The following MTSS1 variants were observed in gnomAD, a reference collection of about 807,000 sequenced individuals.
The protein encoded by MTSS1 is protein MTSS 1.
In MTSS1, 18 loss-of-function variants were observed where a neutral mutation model predicts 79.0. The ratio of observed to expected loss-of-function variants is 0.23; its 90% CI spans 0.16 to 0.34. The LOEUF is 0.34. Among genes scored for constraint, MTSS1 ranks in the 10% least tolerant of loss-of-function variants. The pLI, the probability that MTSS1 is intolerant of heterozygous loss-of-function variation, is 1.00. For missense variants in MTSS1, 815 were observed against 986.2 expected (o/e 0.83, Z 2.33); for synonymous variants, 341 against 368.6 (o/e 0.93, Z 0.86).
At chr8:124,626,033 A>G (rs1814595802) in intron 3 of MTSS1, among the ~76,000 whole-genome samples, 1 of 152,240 alleles carries the variant, frequency 6.6e-6, no homozygotes, top group African/African-American at 2.4e-5. Flanking sequence ...GAAGACTGAA[A>G]GGGAGAGGCT....
chr8:124,594,877 A>G (rs1248993320), intron 3 of MTSS1, among the ~76,000 whole-genome samples: 1 of 152,228 alleles, frequency 6.6e-6, no homozygotes, highest in East Asian at 1.9e-4. Context: ...AAAAATCAGC[A>G]GGTTTGAATA....
At chr8:124,641,011 G>T (rs1485656077) in intron 3 of MTSS1, among the ~76,000 whole-genome samples, 1 of 151,828 alleles carries the variant, frequency 6.6e-6, no homozygotes, top group Middle Eastern at 3.4e-3. Context: ...TATGTCATCC[G>T]TGTATGTACT....
At chr8:124,567,936 T>G in intron 7 of MTSS1, 4 of 1,397,768 alleles carry the variant, frequency 2.9e-6, no homozygotes, top group Non-Finnish European at 3.7e-6. Context: ...CTCTTGGATA[T>G]TCATCTCATG....
chr8:124,625,428 G>A (rs1297532946), intron 3 of MTSS1, among the ~76,000 whole-genome samples: 1 of 152,218 alleles, frequency 6.6e-6, no homozygotes, highest in Non-Finnish European at 1.5e-5. Flanking sequence ...CATTCGTGAA[G>A]GCAGAATTAC....
chr8:124,563,859 G>C (rs947441540), intron 9 of MTSS1, among the ~76,000 whole-genome samples: 8 of 152,132 alleles, frequency 5.3e-5, no homozygotes, highest in Admixed American at 1.3e-4. Flanking sequence ...GGCCAGGTGC[G>C]GTGGCTTACG....
At chr8:124,700,150 G>A (rs1312592593) in intron 2 of MTSS1, among the ~76,000 whole-genome samples, 1 of 145,376 alleles carries the variant, frequency 6.9e-6, no homozygotes. Context: ...AAAAAAAAAA[G>A]AAAAAAGAAA....
intron 3 of MTSS1, among the ~76,000 whole-genome samples, chr8:124,679,152 T>C (rs985296385): frequency 1.4e-4 from 21 of 152,366 alleles, no homozygotes; most frequent in African/African-American, 4.3e-4. Flanking sequence ...GGGCAAGTCC[T>C]TTAGCTAAGA....
intron 13 of MTSS1, among the ~76,000 whole-genome samples, chr8:124,554,820 G>T (rs903859344): frequency 2.0e-5 from 3 of 152,200 alleles, no homozygotes; most frequent in Non-Finnish European, 4.4e-5. Flanking sequence ...ACCATAAAGT[G>T]TGTAGTGCAA....
chr8:124,728,018 G>T lies in MTSS1; in HGVS notation c.-63C>A. ...GCCGCTGGACTGCGCGCGGGGCCGG[G>T]GCTCGCTCACCCCAGAAGGAATTTC... On this transcript the variant is annotated 5_prime_UTR_variant, in exon 1 of 14. Coordinates refer to ENST00000518547, the MANE Select transcript of MTSS1 (RefSeq NM_014751.6). This position sits in a 1 kb window ranked among gnomAD's most constrained non-coding sequence, Gnocchi z 6.1. 6.8e-7 allele frequency: 1 copy of T among 1,481,064 alleles called. No individual in the cohort carries two copies. The highest frequency in any genetic ancestry group is 1.8e-5 in the Admixed American group (1 of 56,960). 91.7% of individuals were successfully genotyped at this position (1,481,064 alleles called of 1,614,324 possible).
rs117337678 is a variant in MTSS1, at chr8:124,658,396, G to C, written c.208+41130C>G. On this transcript the variant is annotated intron_variant, in intron 3 of 13. Transcript: ENST00000518547. Reference sequence around the variant, plus strand: ...AGAAGTGCCTTTCATCTTCTACCATGATTGTGAGGCCTCCCCAGCCACGTG... The same window carrying C: ...AGAAGTGCCTTTCATCTTCTACCATCATTGTGAGGCCTCCCCAGCCACGTG... Among the ~76,000 whole-genome samples, 554 of 152,274 alleles carry C rather than the reference G, an allele frequency of 3.6e-3. 4 individuals are homozygous for C. The highest frequency in any genetic ancestry group is 0.012 in the Admixed American group (189 of 15,302).
In MTSS1 at chr8:124,724,869, A is replaced by G. The variant is rs1200120242; in HGVS notation, c.72+3015T>C. 2.0e-5 allele frequency among the ~76,000 whole-genome samples: 3 copies of G among 152,272 alleles called. No homozygotes were observed. The East Asian group carries it at 5.8e-4, about 29-fold the overall frequency. On this transcript the variant is annotated intron_variant, in intron 1 of 13. Coordinates refer to ENST00000518547, the MANE Select transcript of MTSS1 (RefSeq NM_014751.6). ...GGAAGGCAGTCAACATCACTTCCAG[A>G]CTACTGTTCCCCAGACAAACCAGCT...
In MTSS1 at chr8:124,727,787, G is replaced by C. The variant is rs530316960; in HGVS notation, c.72+97C>G. On this transcript the variant is annotated intron_variant, in intron 1 of 13. Transcript: ENST00000518547. This position sits in a 1 kb window ranked among gnomAD's most constrained non-coding sequence, Gnocchi z 4.7. ...GCAGGTGGCCGGTGGCCACACTGCA[G>C]GGAAGGGCCGGGTGCCCGGCCCGGG... 1 of 1,119,556 alleles carries C rather than the reference G, an allele frequency of 8.9e-7. No homozygotes were observed. Among genetic ancestry groups the C allele is most frequent in the African/African-American group, 1.7e-5 (1 of 59,662 alleles). 69.4% of individuals were successfully genotyped at this position (1,119,556 alleles called of 1,614,324 possible). A position where few individuals can be genotyped will look rare whatever the true frequency, so the allele number is the denominator to read the frequency against.
chr8:124,706,565 G>T (rs1475825772), intron 1 of MTSS1, among the ~76,000 whole-genome samples: 4 of 152,176 alleles, frequency 2.6e-5, no homozygotes, highest in Non-Finnish European at 5.9e-5. Context: ...CCTCTAAGTG[G>T]CAATTTGCCC....
intron 3 of MTSS1, among the ~76,000 whole-genome samples, chr8:124,645,839 C>T (rs1335990268): frequency 1.3e-5 from 2 of 152,172 alleles, no homozygotes; most frequent in Non-Finnish European, 2.9e-5. Flanking sequence ...CGCCCAGCTT[C>T]CTCGGCTTAA....
intron 2 of MTSS1, among the ~76,000 whole-genome samples, chr8:124,702,584 T>C (rs1486669810): frequency 1.3e-5 from 2 of 152,182 alleles, no homozygotes; most frequent in African/African-American, 4.8e-5. Context: ...CTTTAGTCTA[T>C]AGGGCACCAT....
intron 3 of MTSS1, among the ~76,000 whole-genome samples, chr8:124,696,136 C>T (rs906668008): frequency 6.6e-6 from 1 of 151,882 alleles, no homozygotes; most frequent in Admixed American, 6.6e-5. Flanking sequence ...TACAGGTGCC[C>T]ACTCCTCTGC....
At chr8:124,622,771 C>T (rs373994811) in intron 3 of MTSS1, among the ~76,000 whole-genome samples, 121 of 136,344 alleles carry the variant, frequency 8.9e-4, no homozygotes, top group Middle Eastern at 7.9e-3. Context: ...CTAGCCTGGG[C>T]GGCAGAGCAG....
chr8:124,555,228 A>C (rs1267734746), intron 13 of MTSS1, among the ~76,000 whole-genome samples: 1 of 152,110 alleles, frequency 6.6e-6, no homozygotes, highest in Non-Finnish European at 1.5e-5. Flanking sequence ...AAAGCTGTGA[A>C]AGTCCAGATC....
At chr8:124,719,551 T>C (rs1272855382) in intron 1 of MTSS1, among the ~76,000 whole-genome samples, 2 of 152,188 alleles carry the variant, frequency 1.3e-5, no homozygotes, top group Non-Finnish European at 2.9e-5. Flanking sequence ...GGGCAATGAC[T>C]GTCTATACTG....
Sources: gnomAD v4.1 joint callset for allele counts (sites outside exome capture counted in the v4.1 genomes callset) on GRCh38, gnomAD v4.1.1 for gene constraint, Gnocchi (gnomAD v3.1) non-coding constraint, MANE v1.5 for transcripts, NCBI Gene and HGNC (gene_info 2026-07-23, HGNC 2026-07-21) for gene names.